NPAS2: variants seen among roughly 807,000 people sequenced by gnomAD.
NPAS2 encodes neuronal PAS domain protein 2.
A neutral mutation model predicts 107.5 loss-of-function variants in NPAS2; 23 were observed. The observed-to-expected ratio is 0.21, with a 90% CI of 0.15 to 0.30. The LOEUF (loss-of-function observed/expected upper bound fraction) is 0.30, where lower values mean the gene tolerates loss of function less well. NPAS2 is among the 10% of genes least tolerant of loss of function. The pLI, the probability that NPAS2 is intolerant of heterozygous loss-of-function variation, is 1.00. For missense variants in NPAS2, 756 were observed against 1,043.3 expected (o/e 0.72, Z 3.79); for synonymous variants, 403 against 417.5 (o/e 0.97, Z 0.42).
chr2:100,953,401 A>G (rs989306436), intron 7 of NPAS2, among the ~76,000 whole-genome samples: 34 of 150,502 alleles, frequency 2.3e-4, no homozygotes, highest in African/African-American at 7.6e-4. Flanking sequence ...CAAAAAAAAC[A>G]CCCTATAAAA....
chr2:100,991,768 C>T (rs974088498), intron 19 of NPAS2, among the ~76,000 whole-genome samples: 2 of 152,084 alleles, frequency 1.3e-5, no homozygotes, highest in African/African-American at 2.4e-5. Context: ...TTTTTTAAAC[C>T]AGTGAAGAGG....
chr2:100,828,129 C>T (rs1423175396), intron 1 of NPAS2, among the ~76,000 whole-genome samples: 1 of 152,022 alleles, frequency 6.6e-6, no homozygotes, highest in African/African-American at 2.4e-5. Flanking sequence ...GAGATGGTAC[C>T]TTATTGAGGT....
At chr2:100,837,690 TG>T (rs1160817501) in intron 1 of NPAS2, among the ~76,000 whole-genome samples, 1 of 152,190 alleles carries the variant, frequency 6.6e-6, no homozygotes, top group East Asian at 1.9e-4. Context: ...GGAAAATACT[TG>T]GGGTTAGCTG....
intron 1 of NPAS2, among the ~76,000 whole-genome samples, chr2:100,893,650 A>T (rs1298910338): frequency 6.6e-6 from 1 of 152,270 alleles, no homozygotes; most frequent in African/African-American, 2.4e-5. Context: ...ATTAAAAGAC[A>T]CTGAAGAGGA....
intron 1 of NPAS2, among the ~76,000 whole-genome samples, chr2:100,901,345 A>T (rs184698567): frequency 1.1e-4 from 16 of 152,122 alleles, no homozygotes; most frequent in Admixed American, 9.8e-4. Context: ...TCCCATAATT[A>T]TTGTTACTGT....
At chr2:100,855,215 G>A (rs1016151862) in intron 1 of NPAS2, among the ~76,000 whole-genome samples, 1 of 152,026 alleles carries the variant, frequency 6.6e-6, no homozygotes, top group Non-Finnish European at 1.5e-5. Flanking sequence ...CTATCCACTG[G>A]GTCATTAATT....
chr2:100,954,555 C>T (rs1224149399), intron 7 of NPAS2, among the ~76,000 whole-genome samples: 3 of 151,030 alleles, frequency 2.0e-5, no homozygotes, highest in Admixed American at 6.6e-5. Flanking sequence ...ATCCCAGCTA[C>T]TTGGGAGGCT....
At chr2:100,964,034 G>A in intron 7 of NPAS2, 24 bp from the exon 8 acceptor site, 1 of 1,502,196 alleles carries the variant, frequency 6.7e-7, no homozygotes, top group Non-Finnish European at 9.3e-7. Context: ...TAACCTATGT[G>A]TCCTCTTCTT....
At chr2:100,886,260 C>T (rs1173501101) in intron 1 of NPAS2, among the ~76,000 whole-genome samples, 1 of 152,176 alleles carries the variant, frequency 6.6e-6, no homozygotes, top group African/African-American at 2.4e-5. Flanking sequence ...TCACTTTACC[C>T]AAGTTTGTTT....
intron 4 of NPAS2, among the ~76,000 whole-genome samples, chr2:100,936,536 C>T (rs182055872): frequency 1.1e-4 from 17 of 152,328 alleles, no homozygotes; most frequent in Non-Finnish European, 1.3e-4. Context: ...TCTCCTCCCC[C>T]TCACTGGCAC....
At chr2:100,991,535 G>A (rs992698959) in intron 19 of NPAS2, among the ~76,000 whole-genome samples, 8 of 152,162 alleles carry the variant, frequency 5.3e-5, no homozygotes, top group South Asian at 2.1e-4. Context: ...AGTGCTAGCC[G>A]ATCAGGCCTG....
chr2:100,826,368 C>T (rs1005230899), intron 1 of NPAS2, among the ~76,000 whole-genome samples: 1 of 152,080 alleles, frequency 6.6e-6, no homozygotes, highest in South Asian at 2.1e-4. Flanking sequence ...CTTGAACCAG[C>T]GAGTCGGAGG....
chr2:100,995,151 C>T (rs1274603352), intron 20 of NPAS2: 6 of 461,648 alleles, frequency 1.3e-5, no homozygotes, highest in South Asian at 6.2e-5. Context: ...AGGCCTCAGT[C>T]GATTGGGCCA....
intron 2 of NPAS2, among the ~76,000 whole-genome samples, chr2:100,922,313 C>T (rs1683276551): frequency 6.6e-6 from 1 of 152,128 alleles, no homozygotes; most frequent in South Asian, 2.1e-4. Context: ...GGCATGGTGG[C>T]TCATGCCTGT....
At position 100,929,618 on chromosome 2, in the gene NPAS2, C is replaced by T. The variant is rs368364162; in HGVS notation, c.182-3292C>T. Reference sequence around the variant, plus strand: ...TTCAGGAGTTTTGCAAGCCAGTTGACATCAAGTTGGTAGCTTGAAATCAGC... The same window carrying T: ...TTCAGGAGTTTTGCAAGCCAGTTGATATCAAGTTGGTAGCTTGAAATCAGC... On this transcript the variant is annotated intron_variant, in intron 3 of 20. Coordinates refer to ENST00000335681, the MANE Select transcript of NPAS2 (RefSeq NM_002518.4). Among the ~76,000 whole-genome samples the T allele has an allele frequency of 7.2e-5, 11 of 152,292 alleles. No homozygotes were observed. The East Asian group carries it at 1.9e-3, about 27-fold the overall frequency.
intron 4 of NPAS2, among the ~76,000 whole-genome samples, chr2:100,933,938 C>T (rs1219978643): frequency 6.6e-6 from 1 of 152,180 alleles, no homozygotes; most frequent in East Asian, 1.9e-4. Flanking sequence ...TATCTCATAT[C>T]TTATGTGCCT....
chr2:100,948,311 C>G lies in NPAS2; in HGVS notation c.440C>G (p.Ser147Cys). 5 of 1,612,866 alleles carry G rather than the reference C, an allele frequency of 3.1e-6. No homozygotes were observed. The South Asian group carries it at 4.4e-5, about 14-fold the overall frequency. ...EHSEVYKILS[S>C]HMLVTDSPSP... ...TCAGAAGTTTATAAAATCCTTTCTT[C>G]CCATATGCTTGTGACGGATTCCCCC... The change falls in exon 6 of 21, where the codon TCC (serine) becomes TGC (cysteine). Residue 147 changes from serine to cysteine, a missense_variant. This residue lies in a region of NPAS2 where 146 missense variants were observed against 249.6 expected (regional missense o/e 0.58). Transcript: ENST00000335681.
chr2:100,904,805 C>T lies in NPAS2; in HGVS notation c.32+19C>T. The T allele has an allele frequency of 1.3e-6, 2 of 1,592,224 alleles. No homozygotes were observed. The highest frequency in any genetic ancestry group is 1.7e-6 in the Non-Finnish European group (2 of 1,163,748). The stretch of plus-strand genomic sequence containing the variant: ...CCAAGAGGTAAGATGCAGCTGTCCC[C>T]CTGCTCAGCAGAGCTCTCTGGCCCC... On this transcript the variant is annotated intron_variant, in intron 2 of 20. Coordinates refer to ENST00000335681, the MANE Select transcript of NPAS2 (RefSeq NM_002518.4).
chr2:100,929,798 G>T (rs1439047758), intron 3 of NPAS2, among the ~76,000 whole-genome samples: 1 of 152,112 alleles, frequency 6.6e-6, no homozygotes, highest in Non-Finnish European at 1.5e-5. Context: ...GTGCAGTGAG[G>T]GTTAAGAACT....
Sources: allele counts gnomAD v4.1 joint callset (sites outside exome capture counted in the v4.1 genomes callset), GRCh38; gene constraint gnomAD v4.1.1; regional missense constraint gnomAD v4.1.1; transcripts MANE v1.5; gene names NCBI Gene and HGNC (gene_info 2026-07-23, HGNC 2026-07-21).